Variants in PPFIA2 observed in about 807,000 individuals in gnomAD.
PPFIA2 encodes the protein PPFI scaffold protein A2, also known as liprin-alpha-2.
In PPFIA2, 46 loss-of-function variants were observed where a neutral mutation model predicts 175.5. The observed-to-expected ratio is 0.26, with a 90% confidence interval of 0.21 to 0.34. The LOEUF is 0.34. PPFIA2 is among the 10% of genes least tolerant of loss of function. PPFIA2 has a pLI of 1.00. For missense variants in PPFIA2, 1,179 were observed against 1,506.1 expected (o/e 0.78, Z 3.60); for synonymous variants, 568 against 511.4 (o/e 1.11, Z -1.49).
At chr12:81,609,937 T>C (rs748956726) in intron 4 of PPFIA2, among the ~76,000 whole-genome samples, 2 of 152,180 alleles carry the variant, frequency 1.3e-5, no homozygotes, top group African/African-American at 2.4e-5. Flanking sequence ...AGTTTAGCAC[T>C]CCTTTATGGA....
intron 3 of PPFIA2, among the ~76,000 whole-genome samples, chr12:81,699,290 TTACTC>T (rs1390116847): frequency 6.6e-6 from 1 of 152,008 alleles, no homozygotes; most frequent in Non-Finnish European, 1.5e-5. Context: ...AGTAAAGACT[TTACTC>T]TGGTAAACAT....
chr12:81,363,873 A>T (rs1008639154), intron 14 of PPFIA2, among the ~76,000 whole-genome samples: 3 of 151,900 alleles, frequency 2.0e-5, no homozygotes, highest in Non-Finnish European at 4.4e-5. Context: ...ATTTGTAAAT[A>T]TCTTTGTTCA....
At chr12:81,358,923 C>T (rs945947730) in intron 15 of PPFIA2, among the ~76,000 whole-genome samples, 1 of 151,882 alleles carries the variant, frequency 6.6e-6, no homozygotes, top group African/African-American at 2.4e-5. Context: ...ATGAAAGAGT[C>T]GGAAAATTTT....
intron 4 of PPFIA2, among the ~76,000 whole-genome samples, chr12:81,503,222 T>A (rs958406005): frequency 6.6e-6 from 1 of 152,162 alleles, no homozygotes; most frequent in Non-Finnish European, 1.5e-5. Context: ...TTTTTTAAAT[T>A]TTTTTATTTT....
At chr12:81,661,651 G>T (rs1214696840) in intron 4 of PPFIA2, among the ~76,000 whole-genome samples, 1 of 152,112 alleles carries the variant, frequency 6.6e-6, no homozygotes, top group East Asian at 1.9e-4. Context: ...GAGACAGAAA[G>T]TTAACAAGGA....
intron 4 of PPFIA2, among the ~76,000 whole-genome samples, chr12:81,552,018 A>G (rs1252226677): frequency 6.6e-6 from 1 of 151,772 alleles, no homozygotes; most frequent in Non-Finnish European, 1.5e-5. Flanking sequence ...CAGTATAACC[A>G]ATTTAAAGAA....
intron 28 of PPFIA2, among the ~76,000 whole-genome samples, chr12:81,272,697 C>G (rs2039464348): frequency 1.3e-5 from 2 of 151,990 alleles, no homozygotes; most frequent in Admixed American, 6.5e-5. Context: ...CTGAATTTTT[C>G]TTTTATTGGC....
intron 24 of PPFIA2, among the ~76,000 whole-genome samples, chr12:81,287,274 T>C (rs1411380490): frequency 1.3e-5 from 2 of 151,974 alleles, no homozygotes; most frequent in Admixed American, 6.6e-5. Flanking sequence ...AAGATCTCAT[T>C]ACTTCTTTAA....
At chr12:81,317,989 A>G (rs2052786363) in intron 22 of PPFIA2, among the ~76,000 whole-genome samples, 1 of 151,684 alleles carries the variant, frequency 6.6e-6, no homozygotes, top group South Asian at 2.1e-4. Context: ...AAAGTGGTCA[A>G]TTCTTTCTTC....
chr12:81,435,647 T>C (rs573250387), intron 7 of PPFIA2, among the ~76,000 whole-genome samples: 68 of 152,212 alleles, frequency 4.5e-4, no homozygotes, highest in African/African-American at 1.6e-3. Flanking sequence ...GAATAAAGCA[T>C]ATTAAAATCA....
At chr12:81,518,250 T>C (rs1481161231) in intron 4 of PPFIA2, among the ~76,000 whole-genome samples, 1 of 152,192 alleles carries the variant, frequency 6.6e-6, no homozygotes, top group African/African-American at 2.4e-5. Flanking sequence ...TCTTTTACAA[T>C]GACTTGATCC....
intron 3 of PPFIA2, among the ~76,000 whole-genome samples, chr12:81,724,799 A>G (rs2079836171): frequency 6.6e-6 from 1 of 150,942 alleles, no homozygotes; most frequent in Admixed American, 6.6e-5. Context: ...ATAAGGGGGA[A>G]GGTGTTTTTT....
chr12:81,725,291 A>G lies in PPFIA2; in HGVS notation c.249+28682T>C, dbSNP rs539695084. On this transcript the variant is annotated intron_variant, in intron 3 of 32. Transcript: ENST00000549396. The stretch of plus-strand genomic sequence containing the variant: ...CTCCCTTAGAAAATACATACATTTT[A>G]CCATAATAGAAGACACATCAAGAAA... Among the ~76,000 whole-genome samples the G allele has an allele frequency of 2.6e-5, 4 of 151,160 alleles. No homozygotes were observed. The East Asian group carries it at 7.8e-4, about 29-fold the overall frequency.
chr12:81,449,946 A>G (rs1566884226), intron 5 of PPFIA2, among the ~76,000 whole-genome samples: 2 of 151,950 alleles, frequency 1.3e-5, no homozygotes, highest in Non-Finnish European at 2.9e-5. Flanking sequence ...AGCTTCATCC[A>G]TGTCCCTACA....
chr12:81,380,938 T>G (rs2037505872), intron 9 of PPFIA2, among the ~76,000 whole-genome samples: 1 of 151,256 alleles, frequency 6.6e-6, no homozygotes, highest in Non-Finnish European at 1.5e-5. Context: ...TATTTCAGAA[T>G]TCGTTTATTT....
At chr12:81,391,432 G>C (rs1223861032) in intron 8 of PPFIA2, among the ~76,000 whole-genome samples, 1 of 151,830 alleles carries the variant, frequency 6.6e-6, no homozygotes, top group Non-Finnish European at 1.5e-5. Context: ...GATGGCCTTT[G>C]TTTTTCCATA....
chr12:81,415,209 AAATAT>A (rs2044907421), intron 7 of PPFIA2, among the ~76,000 whole-genome samples: 1 of 35,314 alleles, frequency 2.8e-5, no homozygotes, highest in African/African-American at 1.0e-4. Flanking sequence ...AAAAAAAAAA[AAATAT>A]ATATATATAT....
intron 22 of PPFIA2, among the ~76,000 whole-genome samples, chr12:81,318,179 T>G (rs1329480829): frequency 6.6e-6 from 1 of 151,674 alleles, no homozygotes; most frequent in African/African-American, 2.4e-5. Context: ...CTACCAGTCT[T>G]TGAGGACATG....
intron 4 of PPFIA2, among the ~76,000 whole-genome samples, chr12:81,478,515 T>C (rs1390160914): frequency 1.3e-5 from 2 of 152,156 alleles, no homozygotes; most frequent in Admixed American, 6.5e-5. Flanking sequence ...TTGTTCATTT[T>C]AGATTTTAGA....
Sources: allele counts gnomAD v4.1 joint callset (sites outside exome capture counted in the v4.1 genomes callset), GRCh38; gene constraint gnomAD v4.1.1; transcripts MANE v1.5; gene names NCBI Gene and HGNC (gene_info 2026-07-23, HGNC 2026-07-21).